Variants in NRG1 observed in about 807,000 individuals in gnomAD.
NRG1 encodes the protein pro-neuregulin-1, membrane-bound isoform.
NRG1 carries 18 observed loss-of-function variants against 63.8 expected under a neutral mutation model. The ratio of observed to expected loss-of-function variants is 0.28; its 90% CI spans 0.19 to 0.42. NRG1 has a LOEUF of 0.42. NRG1 is among the 10% of genes least tolerant of loss of function. The probability of loss-of-function intolerance (pLI) is 1.00; values close to 1 mark genes in which losing one functional copy is unlikely to be tolerated. For missense variants in NRG1, 762 were observed against 814.7 expected (o/e 0.94, Z 0.79); for synonymous variants, 302 against 301.3 (o/e 1.00, Z -0.02).
intron 1 of NRG1, among the ~76,000 whole-genome samples, chr8:32,088,536 T>TTTA (rs1828626187): frequency 6.6e-6 from 1 of 151,522 alleles, no homozygotes; most frequent in Admixed American, 6.6e-5. Context: ...TTTTTTTTTT[T>TTTA]GAGACAAAGT....
exon 4 of NRG1, chr8:32,614,531 C>G: frequency 6.2e-7 from 1 of 1,612,316 alleles, no homozygotes; most frequent in Non-Finnish European, 8.5e-7. Flanking sequence ...CACTGGTATG[C>G]CAGCCTCAAC....
At chr8:32,452,898 T>A (rs1004306195) in intron 1 of NRG1, among the ~76,000 whole-genome samples, 1 of 152,192 alleles carries the variant, frequency 6.6e-6, no homozygotes, top group Non-Finnish European at 1.5e-5. Context: ...TTACTACAAA[T>A]AGACATCATT....
chr8:31,798,088 A>C (rs1821409706), intron 1 of NRG1, among the ~76,000 whole-genome samples: 1 of 152,092 alleles, frequency 6.6e-6, no homozygotes, highest in Non-Finnish European at 1.5e-5. Flanking sequence ...AGGAGAGGTT[A>C]AGAGGTTGGT....
chr8:32,652,260 C>T (rs996851963), intron 5 of NRG1, among the ~76,000 whole-genome samples: 35 of 152,226 alleles, frequency 2.3e-4, no homozygotes, highest in Middle Eastern at 3.4e-3. Flanking sequence ...ATTTTCTTCT[C>T]GCCTTCCTGT....
chr8:32,046,327 G>A (rs1157923543), intron 1 of NRG1, among the ~76,000 whole-genome samples: 1 of 152,074 alleles, frequency 6.6e-6, no homozygotes, highest in Non-Finnish European at 1.5e-5. Flanking sequence ...GGAGCAACTA[G>A]ACTTCTTATA....
intron 1 of NRG1, among the ~76,000 whole-genome samples, chr8:32,390,719 A>G (rs1289141392): frequency 1.3e-5 from 2 of 151,958 alleles, no homozygotes; most frequent in Non-Finnish European, 2.9e-5. Context: ...CCATCACTGT[A>G]CTGACCATAC....
At chr8:32,064,492 G>C (rs1824417835) in intron 1 of NRG1, among the ~76,000 whole-genome samples, 1 of 152,122 alleles carries the variant, frequency 6.6e-6, no homozygotes, top group Admixed American at 6.6e-5. Context: ...TCCTTCAGCT[G>C]TCTTGGTAGG....
chr8:32,425,062 A>G (rs1486302127), intron 1 of NRG1, among the ~76,000 whole-genome samples: 2 of 152,176 alleles, frequency 1.3e-5, no homozygotes. Flanking sequence ...TTGCATATAC[A>G]TTTCTATGAT....
At chr8:31,999,624 A>C (rs1276777099) in intron 1 of NRG1, among the ~76,000 whole-genome samples, 1 of 152,040 alleles carries the variant, frequency 6.6e-6, no homozygotes, top group African/African-American at 2.4e-5. Context: ...TCTTCAAAGA[A>C]ATCTGCTTCA....
intron 1 of NRG1, among the ~76,000 whole-genome samples, chr8:32,584,117 C>T (rs1248345019): frequency 6.6e-6 from 1 of 152,172 alleles, no homozygotes; most frequent in Non-Finnish European, 1.5e-5. Flanking sequence ...CCAAAGGGCA[C>T]TGACTTCCAT....
intron 1 of NRG1, among the ~76,000 whole-genome samples, chr8:32,357,786 A>G (rs1806647322): frequency 6.6e-6 from 1 of 152,238 alleles, no homozygotes; most frequent in Admixed American, 6.5e-5. Context: ...TGGGAATAGA[A>G]AAATTTATAA....
chr8:32,313,265 A>T (rs776017380), intron 1 of NRG1, among the ~76,000 whole-genome samples: 4 of 152,152 alleles, frequency 2.6e-5, no homozygotes, highest in Non-Finnish European at 4.4e-5. Context: ...CTTAGGAGTA[A>T]CCTTTACCGG....
At chr8:32,196,467 T>C (rs1311559975) in intron 1 of NRG1, among the ~76,000 whole-genome samples, 2 of 152,258 alleles carry the variant, frequency 1.3e-5, no homozygotes, top group Non-Finnish European at 2.9e-5. Flanking sequence ...GAATAACTGA[T>C]GGCAAATGGA....
At chr8:31,867,889 A>T (rs1479426530) in intron 1 of NRG1, among the ~76,000 whole-genome samples, 7 of 152,112 alleles carry the variant, frequency 4.6e-5, no homozygotes, top group Admixed American at 4.6e-4. Context: ...ATATTGACAT[A>T]CCTATGTCAC....
chr8:32,171,681 G>A (rs986649623), intron 1 of NRG1, among the ~76,000 whole-genome samples: 1 of 152,080 alleles, frequency 6.6e-6, no homozygotes, highest in Non-Finnish European at 1.5e-5. Context: ...CTTAGCAAAC[G>A]GCACACCAGG....
chr8:32,683,221 T>C (rs1809165189), intron 5 of NRG1, among the ~76,000 whole-genome samples: 1 of 152,258 alleles, frequency 6.6e-6, no homozygotes, highest in Non-Finnish European at 1.5e-5. Context: ...TTATTTATTC[T>C]TTGCTTTAGA....
intron 1 of NRG1, among the ~76,000 whole-genome samples, chr8:32,396,808 A>G (rs77898470): frequency 0.013 from 1,918 of 152,252 alleles, 36 homozygotes; most frequent in African/African-American, 0.043. Context: ...TTATATTTCA[A>G]GTTGTTTATT....
chr8:32,296,718 A>G (rs1289240924), intron 1 of NRG1, among the ~76,000 whole-genome samples: 2 of 152,074 alleles, frequency 1.3e-5, no homozygotes, highest in Non-Finnish European at 1.5e-5. Flanking sequence ...CATATTTGAT[A>G]TATAACCTTG....
At chr8:32,235,973 C>T (rs721002) in intron 1 of NRG1, among the ~76,000 whole-genome samples, 113,183 of 152,084 alleles carry the variant, frequency 0.74, 43,206 homozygotes, top group African/African-American at 0.91. Flanking sequence ...CAGAACTGTT[C>T]AACTTCCAAG....
Sources: allele counts gnomAD v4.1 joint callset (sites outside exome capture counted in the v4.1 genomes callset), GRCh38; gene constraint gnomAD v4.1.1; transcripts MANE v1.5; gene names NCBI Gene and HGNC (gene_info 2026-07-23, HGNC 2026-07-21).